SARNP: variants seen among roughly 807,000 people sequenced by gnomAD.
The protein encoded by SARNP is SAP domain containing ribonucleoprotein.
A neutral mutation model predicts 38.1 loss-of-function variants in SARNP; 5 were observed. The observed-to-expected ratio is 0.13, with a 90% CI of 0.07 to 0.28. The LOEUF (loss-of-function observed/expected upper bound fraction) is 0.28. Among genes scored for constraint, SARNP ranks in the 10% least tolerant of loss-of-function variants. SARNP has a pLI of 1.00. For synonymous variants in SARNP, 84 were observed against 80.6 expected, an observed-to-expected ratio of 1.04 and a Z score of -0.23; for missense variants, 180 against 243.9, an observed-to-expected ratio of 0.74 and a Z score of 1.75.
intron 9 of SARNP, among the ~76,000 whole-genome samples, chr12:55,785,568 C>A (rs1879466779): frequency 6.6e-6 from 1 of 151,202 alleles, no homozygotes; most frequent in African/African-American, 2.4e-5. Context: ...AGTGAGTGAT[C>A]ACTTGAGGCC....
intron 9 of SARNP, among the ~76,000 whole-genome samples, chr12:55,771,686 A>G (rs957689434): frequency 6.6e-6 from 1 of 152,214 alleles, no homozygotes; most frequent in Admixed American, 6.5e-5. Context: ...TTTCACAAAA[A>G]TAACAAATAA....
Position 55,800,678 on chromosome 12 carries a change from A to G in SARNP, c.184-49T>C. ...GTTAACATAAATCTAAAGAATAAAT[A>G]TCTATCAAAAGAAGAACATCAGAAC... On this transcript the variant is annotated intron_variant, in intron 3 of 10. Transcript: ENST00000336133. The G allele has an allele frequency of 2.7e-6, 4 of 1,472,226 alleles. No individual in the cohort carries two copies. The Admixed American group carries it at 7.3e-5, about 27-fold the overall frequency. The allele number at this position is 1,472,226 out of a possible 1,614,324, so 91.2% of individuals were successfully genotyped here. A position where few individuals can be genotyped will look rare whatever the true frequency, so the allele number is the denominator to read the frequency against.
At chr12:55,784,059 AC>A (rs1270229669) in intron 9 of SARNP, among the ~76,000 whole-genome samples, 1 of 152,188 alleles carries the variant, frequency 6.6e-6, no homozygotes, top group African/African-American at 2.4e-5. Flanking sequence ...ATCAGCAAGC[AC>A]GCAGGGTCGT....
At chr12:55,770,481 C>T (rs1042569347) in intron 9 of SARNP, among the ~76,000 whole-genome samples, 66 of 151,496 alleles carry the variant, frequency 4.4e-4, no homozygotes, top group African/African-American at 1.6e-3. Context: ...CCTCATGATC[C>T]GCCTGCCTCA....
intron 9 of SARNP, among the ~76,000 whole-genome samples, chr12:55,769,217 A>ATTATGTGACATCAGG: frequency 6.6e-6 from 1 of 152,212 alleles, no homozygotes; most frequent in African/African-American, 2.4e-5. Flanking sequence ...CTTTCACTGA[A>ATTATGTGACATCAGG]TTATGTGACA....
intron 9 of SARNP, among the ~76,000 whole-genome samples, chr12:55,778,659 A>G (rs1458184375): frequency 3.3e-5 from 5 of 152,202 alleles, no homozygotes; most frequent in Admixed American, 1.3e-4. Flanking sequence ...GAGTGGTTAA[A>G]TATTTGTTTA....
chr12:55,809,816 T>C (rs1196601641), intron 1 of SARNP, among the ~76,000 whole-genome samples: 1 of 151,346 alleles, frequency 6.6e-6, no homozygotes, highest in Non-Finnish European at 1.5e-5. Flanking sequence ...TAAAAAATAA[T>C]ACACACACAT....
rs1052565748 is a variant in SARNP at position 55,814,890 on chromosome 12, G to A, written c.36+2776C>T. Among the ~76,000 whole-genome samples, 334 of 146,230 alleles carry A rather than the reference G, an allele frequency of 2.3e-3. 5 individuals are homozygous for A. The highest frequency in any genetic ancestry group is 1.5e-3 in the Non-Finnish European group (100 of 66,256). ...TCTCAATTTAAAAAAAAAAAAAAAAGAATGACTGCATTTCTACAAAATCCT... is the reference window on the plus strand; with the variant it reads ...TCTCAATTTAAAAAAAAAAAAAAAAAAATGACTGCATTTCTACAAAATCCT... On this transcript the variant is annotated intron_variant, in intron 1 of 10. Coordinates refer to ENST00000336133, the MANE Select transcript of SARNP (RefSeq NM_033082.4).
intron 1 of SARNP, among the ~76,000 whole-genome samples, chr12:55,811,031 A>C (rs1334226772): frequency 1.3e-5 from 2 of 151,780 alleles, no homozygotes; most frequent in African/African-American, 4.8e-5. Context: ...GAGCCAAGCC[A>C]AGACCACGCC....
chr12:55,801,763 G>A (rs1565681692), intron 2 of SARNP, among the ~76,000 whole-genome samples: 1 of 152,030 alleles, frequency 6.6e-6, no homozygotes, highest in African/African-American at 2.4e-5. Flanking sequence ...GACTACAGGT[G>A]CACATCACCA....
chr12:55,814,096 T>C (rs1317480263), intron 1 of SARNP, among the ~76,000 whole-genome samples: 2 of 152,180 alleles, frequency 1.3e-5, no homozygotes, highest in African/African-American at 4.8e-5. Flanking sequence ...GCCACAGTAG[T>C]TGAAGAGTTA....
In SARNP at chr12:55,783,816, C is replaced by T. The variant is rs115097792; in HGVS notation, c.501+5259G>A. Among the ~76,000 whole-genome samples, 481 of 151,906 alleles carry T rather than the reference C, an allele frequency of 3.2e-3. 2 individuals carry two copies. The highest frequency in any genetic ancestry group is 0.011 in the African/African-American group (443 of 41,424). ...TGACAATTAAAAAAAAATTAGGCTG[C>T]GCACAGTGGCTAACACCTGTAATCC... On this transcript the variant is annotated intron_variant, in intron 9 of 10. Transcript: ENST00000336133.
At chr12:55,759,721 G>T (rs1338064393) in intron 10 of SARNP, among the ~76,000 whole-genome samples, 2 of 145,224 alleles carry the variant, frequency 1.4e-5, no homozygotes, top group African/African-American at 2.6e-5. Context: ...GATTATAGGC[G>T]TAAGCCACCA....
At chr12:55,792,208 G>GA (rs1879691908) in intron 7 of SARNP, among the ~76,000 whole-genome samples, 2 of 152,026 alleles carry the variant, frequency 1.3e-5, no homozygotes, top group Admixed American at 6.6e-5. Context: ...AACACTTAGT[G>GA]ATAGCGGCCA....
chr12:55,792,541 T>TG (rs1356986902), intron 7 of SARNP: 1 of 148,872 alleles, frequency 6.7e-6, no homozygotes, highest in Non-Finnish European at 1.5e-5. Flanking sequence ...CCAGCTTTTT[T>TG]TTTTTTTTTT....
chr12:55,806,551 A>C (rs975441692), intron 1 of SARNP, among the ~76,000 whole-genome samples: 4 of 152,082 alleles, frequency 2.6e-5, no homozygotes, highest in African/African-American at 9.7e-5. Context: ...CTGGGATTAC[A>C]GGTGTGAACC....
At chr12:55,796,543 C>T (rs1879825659) in intron 4 of SARNP, among the ~76,000 whole-genome samples, 1 of 152,168 alleles carries the variant, frequency 6.6e-6, no homozygotes, top group Non-Finnish European at 1.5e-5. Context: ...GCTGGAATTA[C>T]AGGCACCTGC....
intron 9 of SARNP, among the ~76,000 whole-genome samples, chr12:55,788,386 AAAGAC>A (rs1314438112): frequency 6.6e-6 from 1 of 152,186 alleles, no homozygotes; most frequent in African/African-American, 2.4e-5. Flanking sequence ...CTTCTGACCT[AAAGAC>A]AAGACTGTCT....
chr12:55,774,171 T>G (rs1235273077), intron 9 of SARNP, among the ~76,000 whole-genome samples: 1 of 151,850 alleles, frequency 6.6e-6, no homozygotes, highest in Non-Finnish European at 1.5e-5. Context: ...CCCAGCTAAT[T>G]GTTTATTTTC....
Sources: gnomAD v4.1 joint callset for allele counts (sites outside exome capture counted in the v4.1 genomes callset) on GRCh38, gnomAD v4.1.1 for gene constraint, MANE v1.5 for transcripts, NCBI Gene and HGNC (gene_info 2026-07-23, HGNC 2026-07-21) for gene names.